Variants in UBA6 observed in about 807,000 individuals in gnomAD.
UBA6 encodes ubiquitin like modifier activating enzyme 6, also known as ubiquitin-like modifier-activating enzyme 6.
In UBA6, 87 loss-of-function variants were observed where a neutral mutation model predicts 148.3. The ratio of observed to expected loss-of-function variants is 0.59; its 90% confidence interval spans 0.49 to 0.70. The LOEUF is 0.70. Ranked by LOEUF, UBA6 falls within the 30% of genes least tolerant of loss-of-function variation. The pLI is 0.00. For synonymous variants in UBA6, 376 were observed against 401.0 expected (o/e 0.94, Z 0.75); for missense variants, 1,186 against 1,241.2 (o/e 0.96, Z 0.67).
chr4:67,656,801 TCTC>T (rs952343350), intron 13 of UBA6, among the ~76,000 whole-genome samples: 10 of 152,078 alleles, frequency 6.6e-5, no homozygotes, highest in Non-Finnish European at 1.5e-4. Context: ...CAGCCCAAAA[TCTC>T]CTTAAGCTGA....
intron 13 of UBA6, among the ~76,000 whole-genome samples, chr4:67,650,729 T>C (rs1263037471): frequency 6.6e-6 from 1 of 152,084 alleles, no homozygotes; most frequent in African/African-American, 2.4e-5. Context: ...AAAGGCCTTA[T>C]GGTAACAAAA....
At chr4:67,667,389 T>A (rs1363888445) in intron 9 of UBA6, among the ~76,000 whole-genome samples, 3 of 152,144 alleles carry the variant, frequency 2.0e-5, no homozygotes, top group African/African-American at 7.2e-5. Flanking sequence ...GTATTTAAAA[T>A]AATTAGATGT....
At chr4:67,664,890 A>C (rs1729953388) in intron 10 of UBA6, among the ~76,000 whole-genome samples, 1 of 152,146 alleles carries the variant, frequency 6.6e-6, no homozygotes, top group South Asian at 2.1e-4. Context: ...TAAGTATGAT[A>C]AACTCTTTGA....
chr4:67,691,596 C>T (rs770336356), intron 2 of UBA6, among the ~76,000 whole-genome samples: 32 of 152,132 alleles, frequency 2.1e-4, no homozygotes, highest in Non-Finnish European at 3.8e-4. Context: ...GTTTAATGTG[C>T]AATACTGTAA....
chr4:67,635,617 G>T, intron 19 of UBA6, 59 bp from the exon 20 acceptor site: 1 of 1,033,836 alleles, frequency 9.7e-7, no homozygotes. Context: ...TGTAACCAAA[G>T]GACAACCTAC....
rs538397911 is a variant in UBA6, at chr4:67,662,349, AG to A, written c.1038-95del. ...AATTAAAATTTAGGAAATATATAAAAGAATGTGGGATTTTTGCCAACAGGTA... is the reference window on the plus strand; with the variant it reads ...AATTAAAATTTAGGAAATATATAAAAAATGTGGGATTTTTGCCAACAGGTA... On this transcript the variant is annotated intron_variant, in intron 12 of 32. Transcript: ENST00000322244. The A allele has an allele frequency of 2.5e-4, 284 of 1,128,512 alleles. No individual in the cohort carries two copies. In the African/African-American group the frequency reaches 3.7e-3, roughly 15 times the overall value. 69.9% of individuals were successfully genotyped at this position (1,128,512 alleles called of 1,614,324 possible).
rs757842154 is a variant in UBA6, at chr4:67,668,603, A to C, written c.741T>G (p.Phe247Leu). 1 of 1,613,090 alleles carries C rather than the reference A, an allele frequency of 6.2e-7. No individual in the cohort carries two copies. The highest frequency in any genetic ancestry group is 8.5e-7 in the Non-Finnish European group (1 of 1,179,156). Reference protein sequence around the residue: ...HKLETGQFLTFREINGMTGLN... With the variant: ...HKLETGQFLTLREINGMTGLN... ...AACCTGTCATTCCATTAATTTCTCG[A>C]AATGTTAGGAATTGTCCTGTCTCCA... is the stretch of plus-strand genomic sequence containing the variant. Residue 247 changes from phenylalanine to leucine, a missense_variant, in exon 9 of 33, where the codon TTT (phenylalanine) becomes TTG (leucine). Physicochemically the swap from Phe to Leu is conservative, Grantham distance 22. Coordinates refer to ENST00000322244, the MANE Select transcript of UBA6 (RefSeq NM_018227.6).
intron 26 of UBA6, among the ~76,000 whole-genome samples, chr4:67,629,456 A>G (rs1223918487): frequency 6.6e-6 from 1 of 151,976 alleles, no homozygotes; most frequent in African/African-American, 2.4e-5. Flanking sequence ...TTGATCAGTC[A>G]GTTTTAATTC....
In UBA6 at chr4:67,614,115, A is replaced by C. The variant is rs1728584032; in HGVS notation, c.*4882T>G. ...CTGCACAATAAAACTTGTTCTCCAC[A>C]ATCTCTTATTTAACCTGAATATTTC... On this transcript the variant is annotated 3_prime_UTR_variant, in exon 33 of 33. Coordinates refer to ENST00000322244, the MANE Select transcript of UBA6 (RefSeq NM_018227.6). The C allele has an allele frequency of 6.6e-6, 1 of 152,174 alleles. No homozygotes were observed. Among genetic ancestry groups the C allele is most frequent in the Non-Finnish European group, 1.5e-5 (1 of 68,036 alleles). 9.4% of individuals were successfully genotyped at this position (152,174 alleles called of 1,614,324 possible).
At chr4:67,634,011 T>C (rs1158659943) in intron 22 of UBA6, among the ~76,000 whole-genome samples, 2 of 152,056 alleles carry the variant, frequency 1.3e-5, no homozygotes, top group Non-Finnish European at 2.9e-5. Context: ...GCTCGCACCA[T>C]ACGAATTGCT....
intron 27 of UBA6, among the ~76,000 whole-genome samples, chr4:67,628,749 T>C (rs1223918910): frequency 2.6e-5 from 4 of 151,894 alleles, no homozygotes; most frequent in Non-Finnish European, 5.9e-5. Flanking sequence ...CAACAGGGGA[T>C]CTTTATGTAT....
At chr4:67,687,704 C>T (rs1020326439) in intron 2 of UBA6, among the ~76,000 whole-genome samples, 3 of 152,170 alleles carry the variant, frequency 2.0e-5, no homozygotes, top group African/African-American at 7.2e-5. Flanking sequence ...CATAATTTAG[C>T]TCCCAGTCAT....
rs1201461803 is a variant in UBA6 at position 67,613,820 on chromosome 4, A to G, written c.*5177T>C. 1 of 152,184 alleles carries G rather than the reference A, an allele frequency of 6.6e-6. No homozygotes were observed. Among genetic ancestry groups the G allele is most frequent in the Non-Finnish European group, 1.5e-5 (1 of 68,034 alleles). 9.4% of individuals were successfully genotyped at this position (152,184 alleles called of 1,614,324 possible). A position where few individuals can be genotyped will look rare whatever the true frequency, so the allele number is the denominator to read the frequency against. ...CTGTATATTGTGACTTAACTTTCCA[A>G]TCTGACTCTGGCATAACAAGAAAGA... On this transcript the variant is annotated 3_prime_UTR_variant, in exon 33 of 33. Transcript: ENST00000322244.
At chr4:67,620,793 G>T (rs1428114009) in intron 32 of UBA6, among the ~76,000 whole-genome samples, 1 of 152,116 alleles carries the variant, frequency 6.6e-6, no homozygotes, top group Non-Finnish European at 1.5e-5. Context: ...TCAACTATGG[G>T]CACAGTCATC....
In UBA6 at chr4:67,616,081, AC is replaced by A; in HGVS notation, c.*2915del. The A allele has an allele frequency of 2.5e-6, 1 of 395,178 alleles. No individual in the cohort carries two copies. The highest frequency in any genetic ancestry group is 4.5e-6 in the Non-Finnish European group (1 of 223,766). 24.5% of individuals were successfully genotyped at this position (395,178 alleles called of 1,614,324 possible). A position where few individuals can be genotyped will look rare whatever the true frequency, so the allele number is the denominator to read the frequency against. ...AAAATATATATTTCTCAATAAAAAAACAAAGTTATGACATAGAGCAAAATGA... is the reference window on the plus strand; with the variant it reads ...AAAATATATATTTCTCAATAAAAAAAAAAGTTATGACATAGAGCAAAATGA... On this transcript the variant is annotated 3_prime_UTR_variant, in exon 33 of 33. Coordinates refer to ENST00000322244, the MANE Select transcript of UBA6 (RefSeq NM_018227.6).
Position 67,633,234 on chromosome 4 carries a change from A to G in UBA6, c.2142+111T>C, listed in dbSNP as rs556231754. On this transcript the variant is annotated intron_variant, in intron 23 of 32. Coordinates refer to ENST00000322244, the MANE Select transcript of UBA6 (RefSeq NM_018227.6). The stretch of plus-strand genomic sequence containing the variant: ...TCATTTAACTTACTACTAATTTCTG[A>G]AAAGCTTGCCAAAAGAAAGAATACA... 1.3e-4 allele frequency: 131 copies of G among 992,060 alleles called. 3 individuals carry two copies. The South Asian group carries it at 1.6e-3, about 12-fold the overall frequency. The allele number at this position is 992,060 out of a possible 1,614,324, so 61.5% of individuals were successfully genotyped here. A position where few individuals can be genotyped will look rare whatever the true frequency, so the allele number is the denominator to read the frequency against.
At position 67,668,721 on chromosome 4, in the gene UBA6, C is replaced by A. The variant is rs1560494596; in HGVS notation, c.670-47G>T. The stretch of plus-strand genomic sequence containing the variant: ...TAAAAAAGAACTTCTTTTTTGTATT[C>A]TTTGTGTACAAATTCAAATCTTAAG... On this transcript the variant is annotated intron_variant, in intron 8 of 32. Transcript: ENST00000322244. 2.0e-6 allele frequency: 3 copies of A among 1,528,030 alleles called. No homozygotes were observed. In the East Asian group the frequency reaches 6.9e-5, roughly 35 times the overall value. 94.7% of individuals were successfully genotyped at this position (1,528,030 alleles called of 1,614,324 possible). A position where few individuals can be genotyped will look rare whatever the true frequency, so the allele number is the denominator to read the frequency against.
chr4:67,619,476 G>A (rs1728702597), intron 32 of UBA6, among the ~76,000 whole-genome samples: 1 of 152,188 alleles, frequency 6.6e-6, no homozygotes, highest in Non-Finnish European at 1.5e-5. Flanking sequence ...AGGAGTTTGA[G>A]ACCAGCCTGG....
In UBA6 at chr4:67,626,464, T is replaced by A. The variant is rs146062777; in HGVS notation, c.2414A>T (p.Asp805Val). 1.2e-6 allele frequency: 2 copies of A among 1,607,046 alleles called. No homozygotes were observed. Among genetic ancestry groups the A allele is most frequent in the Non-Finnish European group, 1.7e-6 (2 of 1,175,208 alleles). Residue 805 changes from aspartate to valine, a missense_variant, in exon 28 of 33, where the codon GAT (aspartate) becomes GTT (valine). Physicochemically the swap from Asp to Val is radical, Grantham distance 152. Transcript: ENST00000322244. ...FKPSNKVVQTDETARKPDHVP... is the reference protein window; with the variant it reads ...FKPSNKVVQTVETARKPDHVP... Reference sequence around the variant, plus strand: ...ATGGTCTGGTTTCCTTGCAGTTTCATCTGTTTGAACAACCTTTGAATATAT... The same window carrying A: ...ATGGTCTGGTTTCCTTGCAGTTTCAACTGTTTGAACAACCTTTGAATATAT...
Sources: allele counts gnomAD v4.1 joint callset (sites outside exome capture counted in the v4.1 genomes callset), GRCh38; gene constraint gnomAD v4.1.1; transcripts MANE v1.5; gene names NCBI Gene and HGNC (gene_info 2026-07-23, HGNC 2026-07-21).